The following NF1 variants were observed in gnomAD, a reference collection of about 807,000 sequenced individuals.
NF1 encodes the protein neurofibromin.
A neutral mutation model predicts 325.7 loss-of-function variants in NF1; 122 were observed. The observed-to-expected ratio is 0.37, with a 90% CI of 0.32 to 0.44. The LOEUF (loss-of-function observed/expected upper bound fraction) is 0.44. Among genes scored for constraint, NF1 ranks in the 20% least tolerant of loss-of-function variants. The pLI is 1.00. For synonymous variants in NF1, 1,091 were observed against 1,186.0 expected, an observed-to-expected ratio of 0.92 and a Z score of 1.65; for missense variants, 2,140 against 3,415.4, an observed-to-expected ratio of 0.63 and a Z score of 9.31.
chr17:31,331,826 C>T (rs1317520036), intron 39 of NF1: 3 of 140,822 alleles, frequency 2.1e-5, no homozygotes, highest in Admixed American at 7.4e-5. Flanking sequence ...TGCTTGAGCC[C>T]CAGAGGTCAG....
At chr17:31,294,152 G>C (rs987963898) in intron 36 of NF1, among the ~76,000 whole-genome samples, 1 of 152,036 alleles carries the variant, frequency 6.6e-6, no homozygotes, top group Non-Finnish European at 1.5e-5. Flanking sequence ...TTTCTGATTT[G>C]TAAAAGATAA....
At chr17:31,306,461 A>G (rs1468023604) in intron 36 of NF1, among the ~76,000 whole-genome samples, 1 of 152,166 alleles carries the variant, frequency 6.6e-6, no homozygotes, top group Non-Finnish European at 1.5e-5. Flanking sequence ...CAACATATTT[A>G]AAATGGAGTT....
chr17:31,106,582 A>G (rs1912885790), intron 1 of NF1, among the ~76,000 whole-genome samples: 1 of 152,190 alleles, frequency 6.6e-6, no homozygotes, highest in Non-Finnish European at 1.5e-5. Context: ...TGAGGGATGT[A>G]TGATTGCTTC....
At chr17:31,230,735 G>A in intron 23 of NF1, 107 bp from the exon 24 acceptor site, 2 of 889,772 alleles carry the variant, frequency 2.2e-6, no homozygotes, top group East Asian at 5.3e-5. Context: ...TGTCACTTAG[G>A]TTATCTGGCA....
chr17:31,192,565 A>G (rs553445667), intron 8 of NF1, among the ~76,000 whole-genome samples: 1 of 152,300 alleles, frequency 6.6e-6, no homozygotes, highest in East Asian at 1.9e-4. Context: ...GAGAGAGAGA[A>G]GGTTGTAAAA....
chr17:31,234,112 C>T (rs1271656756), intron 27 of NF1, among the ~76,000 whole-genome samples: 1 of 152,106 alleles, frequency 6.6e-6, no homozygotes, highest in Admixed American at 6.5e-5. Flanking sequence ...GGTGAGAACA[C>T]CTGGCATGAG....
chr17:31,336,452 T>C lies in NF1; in HGVS notation c.6126T>C (p.Asn2042=), dbSNP rs1443749474. ...ADTAVALASG[N]VKLVSSKVIG... is the part of the protein sequence containing the mutation. ...CTGCTGTAGCTTTGGCTTCTGGAAA[T>C]GTGAAATTGGTTTCAAGCAAGGTAA... The change falls in exon 41 of 58, where the codon AAT becomes AAC. Residue 2042 remains asparagine, a synonymous_variant. Coordinates refer to ENST00000358273, the MANE Select transcript of NF1 (RefSeq NM_001042492.3). The surrounding 1 kb of genome is among the most constrained non-coding windows in gnomAD (Gnocchi z 5.5). 1 of 1,614,150 alleles carries C rather than the reference T, an allele frequency of 6.2e-7. No individual in the cohort carries two copies. The highest frequency in any genetic ancestry group is 8.5e-7 in the Non-Finnish European group (1 of 1,180,020).
At chr17:31,233,620 C>T (rs1300552769) in intron 27 of NF1, among the ~76,000 whole-genome samples, 3 of 152,132 alleles carry the variant, frequency 2.0e-5, no homozygotes, top group African/African-American at 7.2e-5. Context: ...AATTTAAGCA[C>T]TATATTTGCA....
chr17:31,117,882 T>C (rs1291984004), intron 1 of NF1, among the ~76,000 whole-genome samples: 2 of 152,138 alleles, frequency 1.3e-5, no homozygotes, highest in African/African-American at 4.8e-5. Flanking sequence ...ATATGTATTT[T>C]TAGGTATTCT....
chr17:31,250,179 C>T (rs1227852256), intron 30 of NF1: 1 of 327,584 alleles, frequency 3.1e-6, no homozygotes, highest in East Asian at 5.3e-5. Flanking sequence ...TTTATCATGA[C>T]TTTTCTGCCT....
At chr17:31,187,163 G>A (rs1006699828) in intron 8 of NF1, among the ~76,000 whole-genome samples, 2 of 152,168 alleles carry the variant, frequency 1.3e-5, no homozygotes, top group African/African-American at 2.4e-5. Context: ...AGCTAAAGAA[G>A]TGTGCCAGTG....
intron 1 of NF1, among the ~76,000 whole-genome samples, chr17:31,097,731 C>T (rs1441325474): frequency 2.6e-5 from 4 of 151,952 alleles, no homozygotes; most frequent in African/African-American, 9.7e-5. Context: ...AGGTCTTGCT[C>T]TGTCGCCCAC....
intron 11 of NF1, among the ~76,000 whole-genome samples, chr17:31,202,537 G>A (rs1429260692): frequency 6.6e-6 from 1 of 152,132 alleles, no homozygotes. Flanking sequence ...CATTTTGGGA[G>A]GACAGTCCTT....
At chr17:31,106,486 G>A (rs985757278) in intron 1 of NF1, among the ~76,000 whole-genome samples, 2 of 152,132 alleles carry the variant, frequency 1.3e-5, no homozygotes, top group African/African-American at 4.8e-5. Flanking sequence ...CTAGAGTATG[G>A]ATGTCTTGAC....
At chr17:31,247,796 A>C (rs970327447) in intron 29 of NF1, among the ~76,000 whole-genome samples, 1 of 152,258 alleles carries the variant, frequency 6.6e-6, no homozygotes, top group Non-Finnish European at 1.5e-5. Context: ...ATAGACTATT[A>C]TGCAGTAAAG....
intron 22 of NF1, 22 bp from the exon 23 acceptor site, chr17:31,230,238 T>A: frequency 1.2e-6 from 2 of 1,612,540 alleles, no homozygotes; most frequent in South Asian, 1.1e-5. Flanking sequence ...ATAATTTTTT[T>A]ATTGTTTCTA....
chr17:31,106,966 G>GT (rs1912914688), intron 1 of NF1, among the ~76,000 whole-genome samples: 1 of 152,126 alleles, frequency 6.6e-6, no homozygotes, highest in Non-Finnish European at 1.5e-5. Context: ...TTTACTTAGA[G>GT]TTTGATTACA....
intron 36 of NF1, 139 bp downstream of exon 36, chr17:31,265,478 A>G: frequency 1.5e-6 from 1 of 650,992 alleles, no homozygotes; most frequent in South Asian, 1.7e-5. Context: ...TAGCAGGGTA[A>G]ATAGCCTGCG....
chr17:31,302,249 G>A (rs2068590252), intron 36 of NF1, among the ~76,000 whole-genome samples: 1 of 152,140 alleles, frequency 6.6e-6, no homozygotes, highest in South Asian at 2.1e-4. Flanking sequence ...AAAGATATCA[G>A]ACAACACTGT....
Sources: gnomAD v4.1 joint callset for allele counts (sites outside exome capture counted in the v4.1 genomes callset) on GRCh38, gnomAD v4.1.1 for gene constraint, Gnocchi (gnomAD v3.1) non-coding constraint, MANE v1.5 for transcripts, NCBI Gene and HGNC (gene_info 2026-07-23, HGNC 2026-07-21) for gene names.